The following ROBO2 variants were observed in gnomAD, a reference collection of about 807,000 sequenced individuals.
ROBO2 encodes roundabout guidance receptor 2, also known as roundabout homolog 2.
A neutral mutation model predicts 160.8 loss-of-function variants in ROBO2; 53 were observed. The ratio of observed to expected loss-of-function variants is 0.33; its 90% CI spans 0.26 to 0.41. ROBO2 has a LOEUF of 0.41. Ranked by LOEUF, ROBO2 falls within the 10% of genes least tolerant of loss-of-function variation. The probability of loss-of-function intolerance (pLI) is 1.00; values close to 1 mark genes in which losing one functional copy is unlikely to be tolerated. For missense variants in ROBO2, 1,577 were observed against 1,722.4 expected, an observed-to-expected ratio of 0.92 and a Z score of 1.49; for synonymous variants, 664 against 611.7, an observed-to-expected ratio of 1.09 and a Z score of -1.26.
chr3:76,345,496 A>G (rs1284614785), intron 2 of ROBO2, among the ~76,000 whole-genome samples: 2 of 128,580 alleles, frequency 1.6e-5, no homozygotes, highest in African/African-American at 6.1e-5. Context: ...GAAAACTATT[A>G]TTCCTGGTTG....
At chr3:76,844,584 A>C (rs911257409) in intron 2 of ROBO2, among the ~76,000 whole-genome samples, 1 of 151,966 alleles carries the variant, frequency 6.6e-6, no homozygotes, top group Non-Finnish European at 1.5e-5. Flanking sequence ...CCTCACTTAT[A>C]CACTGGCCCA....
chr3:77,067,028 T>TCACACACACACACACACA (rs144228628), intron 1 of ROBO2, among the ~76,000 whole-genome samples: 2 of 136,932 alleles, frequency 1.5e-5, no homozygotes, highest in South Asian at 2.4e-4. Context: ...ACACACACAC[T>TCACACACACACACACACA]CACACACACA....
intron 2 of ROBO2, among the ~76,000 whole-genome samples, chr3:76,642,623 G>GT (rs957796092): frequency 2.6e-5 from 4 of 151,726 alleles, no homozygotes; most frequent in Admixed American, 1.3e-4. Flanking sequence ...AAGTGCTGGG[G>GT]TTACAGGTGT....
intron 5 of ROBO2, among the ~76,000 whole-genome samples, chr3:77,514,585 T>C (rs957814674): frequency 2.0e-5 from 3 of 151,828 alleles, no homozygotes; most frequent in African/African-American, 7.3e-5. Flanking sequence ...TTCTGTAAAA[T>C]TGTGTTTGGA....
chr3:76,472,252 T>G (rs966520975), intron 2 of ROBO2, among the ~76,000 whole-genome samples: 2 of 152,194 alleles, frequency 1.3e-5, no homozygotes, highest in African/African-American at 4.8e-5. Flanking sequence ...ATAGCAATAT[T>G]TAAAATAATA....
At chr3:76,261,149 T>G (rs2107593822) in intron 2 of ROBO2, among the ~76,000 whole-genome samples, 1 of 150,794 alleles carries the variant, frequency 6.6e-6, no homozygotes, top group African/African-American at 2.4e-5. Context: ...GTGCTCAAAT[T>G]TTTCTTTTAA....
Position 76,427,465 on chromosome 3 carries a change from G to A in ROBO2, c.109+489863G>A, listed in dbSNP as rs535367867. Among the ~76,000 whole-genome samples, 34 of 152,192 alleles carry A rather than the reference G, an allele frequency of 2.2e-4. 1 individual carries two copies. In the South Asian group the frequency reaches 6.8e-3, roughly 31 times the overall value. ...ATTTTGAAGACTACTACAAATGTAAGGACAGCAAAGGGGGTTGTCAGAAGC... is the reference window on the plus strand; with the variant it reads ...ATTTTGAAGACTACTACAAATGTAAAGACAGCAAAGGGGGTTGTCAGAAGC... On this transcript the variant is annotated intron_variant, in intron 2 of 26. Coordinates refer to the ROBO2 transcript ENST00000487694.
chr3:77,191,610 A>G (rs1229602889), intron 2 of ROBO2, among the ~76,000 whole-genome samples: 1 of 152,162 alleles, frequency 6.6e-6, no homozygotes, highest in Non-Finnish European at 1.5e-5. Context: ...AGTTTCATCT[A>G]ACTGGGCAAA....
chr3:77,513,760 C>A lies in ROBO2; in HGVS notation c.807-9015C>A, dbSNP rs4490332. Among the ~76,000 whole-genome samples, 787 of 151,740 alleles carry A rather than the reference C, an allele frequency of 5.2e-3. 7 individuals are homozygous for A. The highest frequency in any genetic ancestry group is 0.027 in the Admixed American group (416 of 15,170). ...CCTGCAAAAACACAGAGCTTCTTTTCCACTTTGTCACAGCTGGTTACCAAT... is the reference window on the plus strand; with the variant it reads ...CCTGCAAAAACACAGAGCTTCTTTTACACTTTGTCACAGCTGGTTACCAAT... On this transcript the variant is annotated intron_variant, in intron 5 of 25. Coordinates refer to ENST00000461745, the Ensembl canonical transcript of ROBO2.
chr3:76,912,915 C>A (rs1273235443), intron 2 of ROBO2, among the ~76,000 whole-genome samples: 1 of 151,956 alleles, frequency 6.6e-6, no homozygotes, highest in Non-Finnish European at 1.5e-5. Flanking sequence ...AATCCAGAAC[C>A]TAGTGAGCTA....
intron 2 of ROBO2, among the ~76,000 whole-genome samples, chr3:76,039,138 T>C (rs891250082): frequency 6.6e-6 from 1 of 151,924 alleles, no homozygotes; most frequent in South Asian, 2.1e-4. Flanking sequence ...GAAGTGGCCA[T>C]AGTAAAGACT....
intron 2 of ROBO2, among the ~76,000 whole-genome samples, chr3:76,584,961 T>A (rs1314583292): frequency 6.6e-6 from 1 of 152,220 alleles, no homozygotes; most frequent in Non-Finnish European, 1.5e-5. Context: ...TACTTCATCA[T>A]AAGGCCGTTT....
intron 2 of ROBO2, among the ~76,000 whole-genome samples, chr3:76,277,046 A>G (rs1339254127): frequency 1.3e-5 from 2 of 152,054 alleles, no homozygotes; most frequent in African/African-American, 4.8e-5. Context: ...AAGTTTGTGT[A>G]CTTTGAACAG....
At chr3:77,535,570 C>G (rs1282147004) in intron 6 of ROBO2, among the ~76,000 whole-genome samples, 1 of 152,108 alleles carries the variant, frequency 6.6e-6, no homozygotes, top group African/African-American at 2.4e-5. Context: ...GTTAATTTCT[C>G]TAATAATGAA....
chr3:77,214,296 G>C (rs564288831), intron 2 of ROBO2, among the ~76,000 whole-genome samples: 10 of 152,146 alleles, frequency 6.6e-5, no homozygotes, highest in Non-Finnish European at 1.5e-5. Flanking sequence ...AGGACAGTTA[G>C]CTCTTCTTGT....
At chr3:76,543,624 T>A (rs1298366999) in intron 2 of ROBO2, among the ~76,000 whole-genome samples, 2 of 152,122 alleles carry the variant, frequency 1.3e-5, no homozygotes, top group Non-Finnish European at 2.9e-5. Context: ...CCTTCATGTC[T>A]CATCTGTGAC....
At chr3:77,284,189 G>A (rs2060429950) in intron 2 of ROBO2, among the ~76,000 whole-genome samples, 1 of 152,122 alleles carries the variant, frequency 6.6e-6, no homozygotes, top group African/African-American at 2.4e-5. Context: ...CAACAATAGA[G>A]CTGAGTAGTC....
At chr3:77,303,498 C>A (rs1414400000) in intron 2 of ROBO2, among the ~76,000 whole-genome samples, 1 of 152,066 alleles carries the variant, frequency 6.6e-6, no homozygotes, top group Non-Finnish European at 1.5e-5. Flanking sequence ...ATTCAAATGA[C>A]TAATATTAAG....
chr3:77,268,047 T>C (rs1170642441), intron 2 of ROBO2, among the ~76,000 whole-genome samples: 1 of 152,220 alleles, frequency 6.6e-6, no homozygotes, highest in Non-Finnish European at 1.5e-5. Context: ...TGTTCCCTGC[T>C]GGGTATTCAC....
Sources: gnomAD v4.1 joint callset for allele counts (sites outside exome capture counted in the v4.1 genomes callset) on GRCh38, gnomAD v4.1.1 for gene constraint, MANE v1.5 for transcripts, NCBI Gene and HGNC (gene_info 2026-07-23, HGNC 2026-07-21) for gene names.